AQP1: variants seen among roughly 807,000 people sequenced by gnomAD.
The protein encoded by AQP1 is aquaporin-1.
A neutral mutation model predicts 19.7 loss-of-function variants in AQP1; 11 were observed. The ratio of observed to expected loss-of-function variants is 0.56; its 90% CI spans 0.35 to 0.92. The LOEUF is 0.92. AQP1 is among the 40% of genes least tolerant of loss of function. The probability of loss-of-function intolerance (pLI) is 0.01; values close to 1 mark genes in which losing one functional copy is unlikely to be tolerated. For synonymous variants in AQP1, 159 were observed against 166.7 expected, an observed-to-expected ratio of 0.95 and a Z score of 0.36; for missense variants, 320 against 369.7, an observed-to-expected ratio of 0.87 and a Z score of 1.10.
At position 30,912,573 on chromosome 7, in the gene AQP1, T is replaced by C. The variant is rs975606803; in HGVS notation, c.384+280T>C. On this transcript the variant is annotated intron_variant, in intron 1 of 3. Transcript: ENST00000311813. The surrounding 1 kb of genome is among the most constrained non-coding windows in gnomAD (Gnocchi z 4.3). ...GGGCATCTATTATGGGGAATAAGCTTGGCCAGCAGTTCCTCGCCCCTTGGC... is the reference window on the plus strand; with the variant it reads ...GGGCATCTATTATGGGGAATAAGCTCGGCCAGCAGTTCCTCGCCCCTTGGC... Among the ~76,000 whole-genome samples the C allele has an allele frequency of 5.9e-5, 9 of 152,216 alleles. No homozygotes were observed. Among genetic ancestry groups the C allele is most frequent in the African/African-American group, 1.9e-4 (8 of 41,460 alleles).
Position 30,912,050 on chromosome 7 carries a change from G to A in AQP1, c.141G>A (p.Gln47=). 3 of 1,613,512 alleles carry A rather than the reference G, an allele frequency of 1.9e-6. No individual in the cohort carries two copies. The highest frequency in any genetic ancestry group is 2.2e-5 in the East Asian group (1 of 44,890). Residue 47 remains glutamine, a synonymous_variant, in exon 1 of 4, where the codon CAG becomes CAA. Coordinates refer to ENST00000311813, the MANE Select transcript of AQP1 (RefSeq NM_198098.4). The surrounding 1 kb of genome is among the most constrained non-coding windows in gnomAD (Gnocchi z 4.3). ...TGGGGAACAACCAGACGGCGGTCCA[G>A]GACAACGTGAAGGTGTCGCTGGCCT... ...YPVGNNQTAV[Q]DNVKVSLAFG...
At chr7:30,922,779 C>T (rs1791557675) in intron 3 of AQP1, 135 bp downstream of exon 3, 1 of 929,572 alleles carries the variant, frequency 1.1e-6, no homozygotes, top group African/African-American at 1.6e-5. Context: ...AAACTGAGGC[C>T]TGCCATGTAG....
chr7:30,922,053 C>G lies in AQP1; in HGVS notation c.385-13C>G, dbSNP rs1173332483. 1 of 1,613,700 alleles carries G rather than the reference C, an allele frequency of 6.2e-7. No individual in the cohort carries two copies. The highest frequency in any genetic ancestry group is 8.5e-7 in the Non-Finnish European group (1 of 1,180,016). ...CCCTCCTCACCAGTCCTCACCACCT[C>G]TCTCCCCTGCAGCTGGCTGATGGTG... On this transcript the variant is annotated splice_polypyrimidine_tract_variant and intron_variant, in intron 1 of 3. Coordinates refer to ENST00000311813, the MANE Select transcript of AQP1 (RefSeq NM_198098.4).
chr7:30,920,510 C>T (rs540637087), intron 1 of AQP1, among the ~76,000 whole-genome samples: 17 of 152,384 alleles, frequency 1.1e-4, no homozygotes, highest in African/African-American at 3.8e-4. Context: ...ACAAGAGTCA[C>T]TACCACTGCC....
chr7:30,919,113 T>C (rs1791430078), intron 1 of AQP1, among the ~76,000 whole-genome samples: 1 of 152,200 alleles, frequency 6.6e-6, no homozygotes, highest in Non-Finnish European at 1.5e-5. Flanking sequence ...GTGGGAGTTC[T>C]AGAAAATTAG....
Position 30,911,922 on chromosome 7 carries a change from T to A in AQP1, c.13T>A (p.Phe5Ile). 1 of 1,611,476 alleles carries A rather than the reference T, an allele frequency of 6.2e-7. No individual in the cohort carries two copies. Among genetic ancestry groups the A allele is most frequent in the East Asian group, 2.2e-5 (1 of 44,740 alleles). The part of the protein sequence containing the change: MASE[F>I]KKKLFWRAVV... ...GCCCCCTGCCAGCATGGCCAGCGAGTTCAAGAAGAAGCTCTTCTGGAGGGC... is the reference window on the plus strand; with the variant it reads ...GCCCCCTGCCAGCATGGCCAGCGAGATCAAGAAGAAGCTCTTCTGGAGGGC... Residue 5 changes from phenylalanine to isoleucine, a missense_variant, in exon 1 of 4, where the codon TTC (phenylalanine) becomes ATC (isoleucine). Phe to Ile is a conservative substitution (Grantham distance 21, BLOSUM62 0). Coordinates refer to ENST00000311813, the MANE Select transcript of AQP1 (RefSeq NM_198098.4).
At chr7:30,920,539 CA>C (rs1475055548) in intron 1 of AQP1, among the ~76,000 whole-genome samples, 1 of 152,260 alleles carries the variant, frequency 6.6e-6, no homozygotes, top group African/African-American at 2.4e-5. Context: ...CCTGCGTCGA[CA>C]ACTCTTTCCA....
Position 30,923,681 on chromosome 7 carries a change from A to AGGGCG in AQP1, c.*55_*56insCGGGG. On this transcript the variant is annotated 3_prime_UTR_variant, in exon 4 of 4. Transcript: ENST00000311813. The surrounding 1 kb of genome is among the most constrained non-coding windows in gnomAD (Gnocchi z 4.8). ...AGGGGGCAGGGGCAGGGGCGGGCGG[A>AGGGCG]GGGAGGGGAGGGGTGAAATCCATAC... 1 of 863,526 alleles carries AGGGCG rather than the reference A, an allele frequency of 1.2e-6. No homozygotes were observed. Among genetic ancestry groups the AGGGCG allele is most frequent in the African/African-American group, 1.7e-5 (1 of 57,454 alleles). The allele number at this position is 863,526 out of a possible 1,614,324, so 53.5% of individuals were successfully genotyped here. A position where few individuals can be genotyped will look rare whatever the true frequency, so the allele number is the denominator to read the frequency against.
chr7:30,916,498 C>T (rs899938072), intron 1 of AQP1, among the ~76,000 whole-genome samples: 1 of 152,248 alleles, frequency 6.6e-6, no homozygotes, highest in Non-Finnish European at 1.5e-5. Context: ...CGAGGCCCTG[C>T]AAGTGGCCAG....
chr7:30,922,185 C>T lies in AQP1; in HGVS notation c.504C>T (p.Ala168=). 6 of 1,612,392 alleles carry T rather than the reference C, an allele frequency of 3.7e-6. No homozygotes were observed. Among genetic ancestry groups the T allele is most frequent in the Non-Finnish European group, 5.1e-6 (6 of 1,179,998 alleles). ...GGCGCCGTGACCTTGGTGGCTCAGC[C>T]CCCCTTGCCATCGGCCTCTCTGTAG... ...DRRRRDLGGS[A]PLAIGLSVAL... Residue 168 remains alanine, a synonymous_variant, in exon 2 of 4, where the codon GCC becomes GCT. Transcript: ENST00000311813.
At chr7:30,914,834 G>C (rs1393886905) in intron 1 of AQP1, among the ~76,000 whole-genome samples, 1 of 152,250 alleles carries the variant, frequency 6.6e-6, no homozygotes, top group African/African-American at 2.4e-5. Context: ...GTGTCCCTTC[G>C]GGACATGCTG....
chr7:30,921,960 T>A (rs1584389284), intron 1 of AQP1, 106 bp from the exon 2 acceptor site: 1 of 1,571,966 alleles, frequency 6.4e-7, no homozygotes, highest in African/African-American at 1.4e-5. Context: ...CATCTGAGGG[T>A]CCGCCCTTCA....
In AQP1 at chr7:30,925,236, A is replaced by T. The variant is rs967890230; in HGVS notation, c.*1607A>T. ...GGCCCACGGTTTCAGCTAGACAATG[A>T]TTTGGCCAGGCCTAGTAACCAAGGC... is the stretch of plus-strand genomic sequence containing the variant. On this transcript the variant is annotated 3_prime_UTR_variant, in exon 4 of 4. Coordinates refer to ENST00000311813, the MANE Select transcript of AQP1 (RefSeq NM_198098.4). The T allele has an allele frequency of 6.6e-6, 1 of 152,226 alleles. No individual in the cohort carries two copies. The highest frequency in any genetic ancestry group is 6.5e-5 in the Admixed American group (1 of 15,288). 9.4% of individuals were successfully genotyped at this position (152,226 alleles called of 1,614,324 possible).
intron 1 of AQP1, among the ~76,000 whole-genome samples, chr7:30,914,627 G>C (rs1036698935): frequency 6.6e-6 from 1 of 152,208 alleles, no homozygotes; most frequent in Admixed American, 6.5e-5. Context: ...GGGTGGCCTG[G>C]ATGCCTCAAG....
At position 30,924,281 on chromosome 7, in the gene AQP1, C is replaced by G; in HGVS notation, c.*652C>G. 3.3e-6 allele frequency: 1 copy of G among 307,064 alleles called. No individual in the cohort carries two copies. The allele number at this position is 307,064 out of a possible 1,614,324, so 19.0% of individuals were successfully genotyped here. A position where few individuals can be genotyped will look rare whatever the true frequency, so the allele number is the denominator to read the frequency against. Reference sequence around the variant, plus strand: ...CTGCAGCCCCTAAGTGCAAACACAGCATGGGTCCAGAAGACGTGGTCTAGA... The same window carrying G: ...CTGCAGCCCCTAAGTGCAAACACAGGATGGGTCCAGAAGACGTGGTCTAGA... On this transcript the variant is annotated 3_prime_UTR_variant, in exon 4 of 4. Transcript: ENST00000311813.
chr7:30,918,814 G>A (rs1791423324), intron 1 of AQP1, among the ~76,000 whole-genome samples: 1 of 152,234 alleles, frequency 6.6e-6, no homozygotes, highest in Admixed American at 6.5e-5. Context: ...CCTTCTGCCA[G>A]CTCCCAAGTC....
chr7:30,914,003 C>A (rs1791244032), intron 1 of AQP1, among the ~76,000 whole-genome samples: 1 of 152,142 alleles, frequency 6.6e-6, no homozygotes, highest in African/African-American at 2.4e-5. Context: ...CTGGCCCCGT[C>A]TCTTCCCTCC....
In AQP1 at chr7:30,924,025, G is replaced by C. The variant is rs372312343; in HGVS notation, c.*396G>C. On this transcript the variant is annotated 3_prime_UTR_variant, in exon 4 of 4. Coordinates refer to ENST00000311813, the MANE Select transcript of AQP1 (RefSeq NM_198098.4). ...TCTACCGTAATTGCTTTGTGCCTTT[G>C]GGCACGGCCCTCCTTCTTTTCCTAA... The C allele has an allele frequency of 2.7e-4, 354 of 1,320,940 alleles. No individual in the cohort carries two copies. The highest frequency in any genetic ancestry group is 3.3e-4 in the Non-Finnish European group (330 of 1,005,516). 81.8% of individuals were successfully genotyped at this position (1,320,940 alleles called of 1,614,324 possible). A position where few individuals can be genotyped will look rare whatever the true frequency, so the allele number is the denominator to read the frequency against.
In AQP1 at chr7:30,923,530, C is replaced by T. The variant is rs1348600844; in HGVS notation, c.711C>T (p.Asp237=). 1.9e-6 allele frequency: 3 copies of T among 1,614,182 alleles called. No individual in the cohort carries two copies. Among genetic ancestry groups the T allele is most frequent in the South Asian group, 2.2e-5 (2 of 91,082 alleles). Residue 237 remains aspartate (D), a synonymous_variant, in exon 4 of 4, where the codon GAC becomes GAT. Coordinates refer to ENST00000311813, the MANE Select transcript of AQP1 (RefSeq NM_198098.4). This position sits in a 1 kb window ranked among gnomAD's most constrained non-coding sequence, Gnocchi z 4.8. Reference sequence around the variant, plus strand: ...TCATCCTGGCCCCACGCAGCAGTGACCTCACAGACCGCGTGAAGGTGTGGA... The same window carrying T: ...TCATCCTGGCCCCACGCAGCAGTGATCTCACAGACCGCGTGAAGGTGTGGA... ...YDFILAPRSS[D]LTDRVKVWTS...
Sources: allele counts gnomAD v4.1 joint callset (sites outside exome capture counted in the v4.1 genomes callset), GRCh38; gene constraint gnomAD v4.1.1; non-coding constraint Gnocchi (gnomAD v3.1); transcripts MANE v1.5; gene names NCBI Gene and HGNC (gene_info 2026-07-23, HGNC 2026-07-21).